Variants in TMEM63C observed in about 807,000 individuals in gnomAD.
TMEM63C encodes osmosensitive cation channel TMEM63C.
TMEM63C carries 32 observed loss-of-function variants against 99.2 expected under a neutral mutation model. The ratio of observed to expected loss-of-function variants is 0.32; its 90% CI spans 0.24 to 0.43. The LOEUF is 0.43. Ranked by LOEUF, TMEM63C falls within the 20% of genes least tolerant of loss-of-function variation. The pLI, the probability that TMEM63C is intolerant of heterozygous loss-of-function variation, is 1.00. For synonymous variants in TMEM63C, 376 were observed against 397.9 expected (o/e 0.94, Z 0.66); for missense variants, 826 against 1,053.0 (o/e 0.78, Z 2.98).
chr14:77,245,847 T>A (rs1349856425), intron 16 of TMEM63C, 93 bp from the exon 17 acceptor site: 41 of 935,338 alleles, frequency 4.4e-5, no homozygotes, highest in Admixed American at 2.6e-4. Context: ...AGCCAAACCA[T>A]ATCAGTGTCT....
chr14:77,228,434 G>A lies in TMEM63C; in HGVS notation c.350+2973G>A, dbSNP rs1001730225. ...CATTCTCAAGTCCAGGGAGGGAAAC[G>A]TTTAGCCGCTCAAAGTTAAAAAATC... On this transcript the variant is annotated intron_variant, in intron 6 of 23. Transcript: ENST00000298351. Among the ~76,000 whole-genome samples the A allele has an allele frequency of 3.9e-5, 6 of 152,126 alleles. No homozygotes were observed. The South Asian group carries it at 6.2e-4, about 16-fold the overall frequency.
intron 22 of TMEM63C, among the ~76,000 whole-genome samples, chr14:77,252,266 C>A (rs452358): frequency 2.0e-5 from 3 of 151,996 alleles, no homozygotes; most frequent in Admixed American, 2.0e-4. Context: ...AAGGAGGTTG[C>A]GGGGGGAGTT....
intron 1 of TMEM63C, among the ~76,000 whole-genome samples, chr14:77,207,175 G>C (rs1020460869): frequency 4.6e-5 from 7 of 152,242 alleles, no homozygotes; most frequent in African/African-American, 1.7e-4. Flanking sequence ...ACAAGGAAAA[G>C]AAACTTCCTG....
chr14:77,212,637 G>C (rs1330372685), intron 1 of TMEM63C, among the ~76,000 whole-genome samples: 1 of 152,236 alleles, frequency 6.6e-6, no homozygotes, highest in Non-Finnish European at 1.5e-5. Flanking sequence ...GCAGAGAAAA[G>C]GCTTGGTGCT....
chr14:77,208,101 G>A (rs931432206), intron 1 of TMEM63C, among the ~76,000 whole-genome samples: 2 of 152,174 alleles, frequency 1.3e-5, no homozygotes, highest in South Asian at 2.1e-4. Context: ...AACCTGCCTG[G>A]TCTTTGTACA....
intron 13 of TMEM63C, among the ~76,000 whole-genome samples, chr14:77,241,324 G>A (rs774870684): frequency 1.1e-4 from 17 of 152,168 alleles, no homozygotes; most frequent in Non-Finnish European, 2.1e-4. Flanking sequence ...TTCTCCTGCC[G>A]CAGGCCTCCC....
At chr14:77,233,310 A>T in intron 7 of TMEM63C, 142 bp from the exon 8 acceptor site, 1 of 792,886 alleles carries the variant, frequency 1.3e-6, no homozygotes, top group Non-Finnish European at 2.1e-6. Flanking sequence ...AAAGTTGGGG[A>T]GAAGCTCTGG....
rs57425664 is a variant in TMEM63C, at chr14:77,257,227, C to T, written c.*501C>T. The T allele has an allele frequency of 0.019, 2,950 of 156,274 alleles. 85 individuals carry two copies. The highest frequency in any genetic ancestry group is 0.067 in the African/African-American group (2,764 of 41,556). The allele number at this position is 156,274 out of a possible 1,614,324, so 9.7% of individuals were successfully genotyped here. On this transcript the variant is annotated 3_prime_UTR_variant, in exon 24 of 24. Transcript: ENST00000298351. ...GTGCACGGGGCACATTGACAGGACA[C>T]GGAGGACCACCTCATCACAGGGTTC...
At chr14:77,254,894 G>A (rs1358391540) in intron 23 of TMEM63C, among the ~76,000 whole-genome samples, 5 of 152,054 alleles carry the variant, frequency 3.3e-5, no homozygotes, top group Non-Finnish European at 1.5e-5. Context: ...GTATTTTCTT[G>A]CAGATATTTA....
At chr14:77,233,583 T>C in intron 8 of TMEM63C, 83 bp downstream of exon 8, 4 of 1,459,654 alleles carry the variant, frequency 2.7e-6, no homozygotes, top group South Asian at 1.2e-5. Context: ...GTTTGCAACA[T>C]GGGCAGCGTT....
In TMEM63C at chr14:77,243,026, C is replaced by T. The variant is rs752691542; in HGVS notation, c.1311C>T (p.Tyr437=). The change falls in exon 15 of 24, where the codon TAC becomes TAT. Residue 437 remains tyrosine (Y), a synonymous_variant. Transcript: ENST00000298351. Reference sequence around the variant, plus strand: ...TCATCATGAACACTATCGACATGTACAACGTCACCCGCCCCATCGAGAAGC... The same window carrying T: ...TCATCATGAACACTATCGACATGTATAACGTCACCCGCCCCATCGAGAAGC... ...PAIIMNTIDM[Y]NVTRPIEKLQ... 1.9e-6 allele frequency: 3 copies of T among 1,613,928 alleles called. No homozygotes were observed. The highest frequency in any genetic ancestry group is 2.5e-6 in the Non-Finnish European group (3 of 1,179,906).
intron 21 of TMEM63C, 62 bp from the exon 22 acceptor site, chr14:77,251,727 C>T (rs1889363046): frequency 1.5e-6 from 2 of 1,378,152 alleles, no homozygotes; most frequent in Admixed American, 3.4e-5. Context: ...CTGGCATCTG[C>T]CAGTTGGGGT....
intron 23 of TMEM63C, among the ~76,000 whole-genome samples, chr14:77,255,796 T>A (rs1162359084): frequency 1.3e-5 from 2 of 152,246 alleles, no homozygotes; most frequent in Non-Finnish European, 2.9e-5. Flanking sequence ...CAAAAGGTCA[T>A]CTAGATGGCT....
At chr14:77,222,054 G>C (rs56090144) in intron 5 of TMEM63C, among the ~76,000 whole-genome samples, 27,830 of 151,902 alleles carry the variant, frequency 0.18, 2,907 homozygotes, top group East Asian at 0.45. Context: ...AACTTCCTTT[G>C]CCATCTCTAC....
intron 1 of TMEM63C, among the ~76,000 whole-genome samples, chr14:77,198,333 G>T (rs1594850543): frequency 6.6e-6 from 1 of 152,362 alleles, no homozygotes; most frequent in Non-Finnish European, 1.5e-5. Context: ...CGGAAGAGAG[G>T]CCACACACTG....
In TMEM63C at chr14:77,256,653, G is replaced by A. The variant is rs548931818; in HGVS notation, c.2348G>A (p.Gly783Asp). ...GGAGAAGAAGAGAGTGGTCTGAGGGGCTTTGCGAGGGAGCTAGACTCGGCC... is the reference window on the plus strand; with the variant it reads ...GGAGAAGAAGAGAGTGGTCTGAGGGACTTTGCGAGGGAGCTAGACTCGGCC... ...EEGEEESGLR[G>D]FARELDSAQF... The change falls in exon 24 of 24, where the codon GGC becomes GAC. Residue 783 changes from glycine (G) to aspartate (D), a missense_variant. By Grantham distance (94) the Gly-to-Asp change is moderately conservative. Transcript: ENST00000298351. The A allele has an allele frequency of 6.2e-7, 1 of 1,614,018 alleles. No individual in the cohort carries two copies. The highest frequency in any genetic ancestry group is 1.1e-5 in the South Asian group (1 of 91,076).
intron 23 of TMEM63C, 115 bp downstream of exon 23, chr14:77,253,491 G>A: frequency 1.9e-6 from 2 of 1,076,120 alleles, no homozygotes; most frequent in Non-Finnish European, 2.8e-6. Context: ...TGGGGAAGGA[G>A]ATGGGGGACC....
intron 7 of TMEM63C, 39 bp from the exon 8 acceptor site, chr14:77,233,413 G>A (rs780274974): frequency 6.2e-7 from 1 of 1,607,008 alleles, no homozygotes. Flanking sequence ...CAGCAACTGA[G>A]GAGCCAGGCT....
intron 10 of TMEM63C, 149 bp from the exon 11 acceptor site, chr14:77,239,263 C>T: frequency 1.4e-6 from 1 of 735,804 alleles, no homozygotes; most frequent in Non-Finnish European, 2.3e-6. Context: ...CCCTGAGGTT[C>T]AGCTTTAGGA....
Sources: gnomAD v4.1 joint callset for allele counts (sites outside exome capture counted in the v4.1 genomes callset) on GRCh38, gnomAD v4.1.1 for gene constraint, MANE v1.5 for transcripts, NCBI Gene and HGNC (gene_info 2026-07-23, HGNC 2026-07-21) for gene names.